Variants in MAPK8 observed in about 807,000 individuals in gnomAD.
MAPK8 encodes the protein mitogen-activated protein kinase 8, also known as JUN N-terminal kinase.
A neutral mutation model predicts 52.9 loss-of-function variants in MAPK8; 13 were observed. That is an observed-to-expected ratio of 0.25 (90% CI 0.16 to 0.39). The LOEUF (loss-of-function observed/expected upper bound fraction) is 0.39, where lower values mean the gene tolerates loss of function less well. MAPK8 is among the 10% of genes least tolerant of loss of function. The pLI is 1.00. For synonymous variants in MAPK8, 191 were observed against 169.8 expected (o/e 1.12, Z -0.97); for missense variants, 300 against 519.2 (o/e 0.58, Z 4.10).
chr10:48,333,339 C>A (rs1844330449), intron 1 of MAPK8, among the ~76,000 whole-genome samples: 1 of 152,218 alleles, frequency 6.6e-6, no homozygotes, highest in Non-Finnish European at 1.5e-5. Flanking sequence ...TATTAGGGCC[C>A]CACCAAAGGT....
chr10:48,402,904 G>A (rs1386975293), intron 2 of MAPK8, among the ~76,000 whole-genome samples: 2 of 152,094 alleles, frequency 1.3e-5, no homozygotes, highest in African/African-American at 2.4e-5. Flanking sequence ...CATTTTAAAC[G>A]AACTGGAGCC....
intron 1 of MAPK8, among the ~76,000 whole-genome samples, chr10:48,378,662 AG>A (rs2040812824): frequency 6.6e-6 from 1 of 152,102 alleles, no homozygotes; most frequent in South Asian, 2.1e-4. Context: ...ATCTAATAAC[AG>A]GTGTGTTATA....
chr10:48,313,709 A>G (rs1808789559), intron 1 of MAPK8, among the ~76,000 whole-genome samples: 1 of 152,118 alleles, frequency 6.6e-6, no homozygotes, highest in South Asian at 2.1e-4. Flanking sequence ...ATTTAATGTA[A>G]GTTGTTGCAT....
At chr10:48,326,890 A>G (rs1250723084) in intron 1 of MAPK8, among the ~76,000 whole-genome samples, 2 of 152,178 alleles carry the variant, frequency 1.3e-5, no homozygotes, top group Non-Finnish European at 2.9e-5. Context: ...GCAGTATCAG[A>G]ATTGTTAACT....
intron 1 of MAPK8, among the ~76,000 whole-genome samples, chr10:48,355,759 T>C (rs1846853418): frequency 6.6e-6 from 1 of 152,142 alleles, no homozygotes; most frequent in Non-Finnish European, 1.5e-5. Flanking sequence ...CACTAAACTA[T>C]ACATTGAAGA....
intron 8 of MAPK8, 84 bp downstream of exon 8, chr10:48,426,154 A>G: frequency 1.1e-5 from 14 of 1,236,362 alleles, no homozygotes; most frequent in Non-Finnish European, 1.5e-5. Context: ...ATGTATTCAT[A>G]TTCTTATGGG....
intron 1 of MAPK8, among the ~76,000 whole-genome samples, chr10:48,347,387 G>C (rs190769425): frequency 7.6e-4 from 115 of 152,264 alleles, no homozygotes; most frequent in Middle Eastern, 6.8e-3. Context: ...ACAGATACTA[G>C]AATTATTTGA....
chr10:48,347,233 T>A (rs562155904), intron 1 of MAPK8, among the ~76,000 whole-genome samples: 50 of 152,164 alleles, frequency 3.3e-4, no homozygotes, highest in South Asian at 1.5e-3. Context: ...CTTACTATAA[T>A]GGAATATTAA....
chr10:48,353,795 T>C (rs750086330), intron 1 of MAPK8, among the ~76,000 whole-genome samples: 4 of 152,224 alleles, frequency 2.6e-5, no homozygotes, highest in Non-Finnish European at 4.4e-5. Context: ...ACTGCATTTA[T>C]AGAACATTCT....
At chr10:48,412,699 A>G (rs1011396645) in intron 5 of MAPK8, among the ~76,000 whole-genome samples, 3 of 152,206 alleles carry the variant, frequency 2.0e-5, no homozygotes, top group Non-Finnish European at 4.4e-5. Context: ...TTTCTTCAAA[A>G]TCCTTTGCTA....
chr10:48,367,442 A>G (rs1358619671), intron 1 of MAPK8, among the ~76,000 whole-genome samples: 1 of 151,586 alleles, frequency 6.6e-6, no homozygotes, highest in Non-Finnish European at 1.5e-5. Flanking sequence ...TTTCAAGTTA[A>G]TTGTTTAAAG....
Position 48,328,781 on chromosome 10 carries a change from A to C in MAPK8, c.-50+21960A>C, listed in dbSNP as rs914330918. 3.3e-5 allele frequency among the ~76,000 whole-genome samples: 5 copies of C among 152,344 alleles called. No homozygotes were observed. In the South Asian group the frequency reaches 1.0e-3, roughly 32 times the overall value. ...TTTATATAAGCAAAAAGACACTTTA[A>C]CTGTATCCAGCCAAACTCTTCTATG... On this transcript the variant is annotated intron_variant, in intron 1 of 11. Coordinates refer to ENST00000374189, the MANE Select transcript of MAPK8 (RefSeq NM_001323329.2).
At chr10:48,407,391 T>C (rs1483076583) in intron 3 of MAPK8, among the ~76,000 whole-genome samples, 1 of 152,218 alleles carries the variant, frequency 6.6e-6, no homozygotes, top group Non-Finnish European at 1.5e-5. Context: ...TTATTGCTAT[T>C]GTTCTTTGTT....
rs142885467 is a variant in MAPK8 at position 48,437,636 on chromosome 10, A to C, written c.*2607A>C. Reference sequence around the variant, plus strand: ...GTTGTTGGGATCACTTAGTTATACTATACGCAGATAGAGCATCTCAACTCT... The same window carrying C: ...GTTGTTGGGATCACTTAGTTATACTCTACGCAGATAGAGCATCTCAACTCT... On this transcript the variant is annotated 3_prime_UTR_variant, in exon 12 of 12. Coordinates refer to ENST00000374189, the MANE Select transcript of MAPK8 (RefSeq NM_001323329.2). The C allele has an allele frequency of 6.6e-6, 1 of 152,186 alleles. No homozygotes were observed. The highest frequency in any genetic ancestry group is 6.5e-5 in the Admixed American group (1 of 15,276). 9.4% of individuals were successfully genotyped at this position (152,186 alleles called of 1,614,324 possible). A position where few individuals can be genotyped will look rare whatever the true frequency, so the allele number is the denominator to read the frequency against.
At chr10:48,369,257 T>A (rs1848338241) in intron 1 of MAPK8, among the ~76,000 whole-genome samples, 4 of 152,094 alleles carry the variant, frequency 2.6e-5, no homozygotes, top group African/African-American at 9.7e-5. Flanking sequence ...CAGGGGTAAG[T>A]AAGAAGAGAA....
chr10:48,312,658 G>A (rs534249866), intron 1 of MAPK8, among the ~76,000 whole-genome samples: 1 of 152,244 alleles, frequency 6.6e-6, no homozygotes, highest in African/African-American at 2.4e-5. Context: ...ATGCCATTGG[G>A]TCAACCAAAG....
chr10:48,352,801 TGGAAAA>T (rs1476737965), intron 1 of MAPK8, among the ~76,000 whole-genome samples: 2 of 152,162 alleles, frequency 1.3e-5, no homozygotes, highest in African/African-American at 4.8e-5. Flanking sequence ...CCCTGACAAT[TGGAAAA>T]GGAGAAATGA....
At chr10:48,338,278 T>G (rs1326463815) in intron 1 of MAPK8, among the ~76,000 whole-genome samples, 1 of 152,096 alleles carries the variant, frequency 6.6e-6, no homozygotes, top group Non-Finnish European at 1.5e-5. Context: ...GGTTTTTTCC[T>G]AGATACAAGG....
At chr10:48,389,952 T>C (rs1176644763) in intron 1 of MAPK8, among the ~76,000 whole-genome samples, 1 of 151,924 alleles carries the variant, frequency 6.6e-6, no homozygotes, top group East Asian at 1.9e-4. Context: ...GGTATGGAGG[T>C]TCATAGGTCC....
Sources: allele counts gnomAD v4.1 joint callset (sites outside exome capture counted in the v4.1 genomes callset), GRCh38; gene constraint gnomAD v4.1.1; transcripts MANE v1.5; gene names NCBI Gene and HGNC (gene_info 2026-07-23, HGNC 2026-07-21).